PRSS55: variants seen among roughly 807,000 people sequenced by gnomAD.
PRSS55 encodes the protein probable serine protease UNQ9391/PRO34284.
In PRSS55, 41 loss-of-function variants were observed where a neutral mutation model predicts 23.6. The ratio of observed to expected loss-of-function variants is 1.74; its 90% CI spans 1.35 to 2.26. The LOEUF (loss-of-function observed/expected upper bound fraction) is 2.26. Among genes scored for constraint, PRSS55 ranks in the 30% most tolerant of loss-of-function variants. The pLI is 0.00. For synonymous variants in PRSS55, 262 were observed against 175.5 expected (o/e 1.49, Z -3.90); for missense variants, 669 against 439.1 (o/e 1.52, Z -4.68).
intron 4 of PRSS55, among the ~76,000 whole-genome samples, chr8:10,536,469 G>C (rs1426634721): frequency 2.6e-5 from 4 of 152,152 alleles, no homozygotes; most frequent in African/African-American, 9.7e-5. Flanking sequence ...ATTTCTCAGA[G>C]AACTTAAAAC....
At chr8:10,548,452 G>C (rs1812873512) in intron 4 of PRSS55, among the ~76,000 whole-genome samples, 1 of 152,142 alleles carries the variant, frequency 6.6e-6, no homozygotes, top group Non-Finnish European at 1.5e-5. Flanking sequence ...GGCCCTCACG[G>C]GTGGGGCCCT....
At chr8:10,535,272 C>G (rs1812415696) in intron 4 of PRSS55, among the ~76,000 whole-genome samples, 2 of 152,234 alleles carry the variant, frequency 1.3e-5, no homozygotes. Context: ...CAATCCTAAG[C>G]AAAAAGAACA....
At chr8:10,529,414 G>T in intron 1 of PRSS55, 93 bp from the exon 2 acceptor site, 1 of 1,283,152 alleles carries the variant, frequency 7.8e-7, no homozygotes, top group Non-Finnish European at 1.1e-6. Flanking sequence ...ATATCCACTT[G>T]GAAGCCTGCT....
At chr8:10,536,682 C>CCA (rs367600040) in intron 4 of PRSS55, among the ~76,000 whole-genome samples, 2,217 of 139,088 alleles carry the variant, frequency 0.016, 52 homozygotes, top group African/African-American at 0.054. Context: ...TACTACGAAG[C>CCA]CATAAAAAAA....
rs577972231 is a variant in PRSS55, at chr8:10,529,756, C to G, written c.347+57C>G. 3 of 1,536,436 alleles carry G rather than the reference C, an allele frequency of 2.0e-6. No homozygotes were observed. The East Asian group carries it at 6.8e-5, about 35-fold the overall frequency. On this transcript the variant is annotated intron_variant, in intron 2 of 4. Coordinates refer to ENST00000328655, the MANE Select transcript of PRSS55 (RefSeq NM_198464.4). ...TCAGGGCGCCCACCCCTGGGGCACC[C>G]TCCCCCTCACCCACACCTGGTGGCT... is the stretch of plus-strand genomic sequence containing the variant.
chr8:10,552,252 C>A (rs1278042570), intron 4 of PRSS55, among the ~76,000 whole-genome samples: 1 of 152,190 alleles, frequency 6.6e-6, no homozygotes, highest in African/African-American at 2.4e-5. Flanking sequence ...TAAAGAATCC[C>A]ATTCTTTGAG....
intron 4 of PRSS55, among the ~76,000 whole-genome samples, chr8:10,535,639 C>T (rs1812428142): frequency 6.6e-6 from 1 of 152,138 alleles, no homozygotes; most frequent in Non-Finnish European, 1.5e-5. Context: ...CACTACAAAC[C>T]ACCATTCTTG....
intron 3 of PRSS55, among the ~76,000 whole-genome samples, chr8:10,531,943 T>G (rs1236179863): frequency 6.6e-6 from 1 of 152,218 alleles, no homozygotes; most frequent in Non-Finnish European, 1.5e-5. Flanking sequence ...GAGCGTTGCC[T>G]GGCTCTTCTT....
intron 4 of PRSS55, among the ~76,000 whole-genome samples, chr8:10,536,550 A>T (rs1442801121): frequency 6.6e-6 from 1 of 152,220 alleles, no homozygotes; most frequent in Non-Finnish European, 1.5e-5. Context: ...TTCTACCAAG[A>T]AGACACATGC....
chr8:10,533,086 C>T (rs773657842), intron 4 of PRSS55, 38 bp downstream of exon 4: 8 of 1,608,304 alleles, frequency 5.0e-6, no homozygotes, highest in Non-Finnish European at 6.0e-6. Context: ...TATAGGTCCT[C>T]ACCCTCTGGG....
intron 3 of PRSS55, 141 bp from the exon 4 acceptor site, chr8:10,532,765 A>G: frequency 1.0e-6 from 1 of 992,510 alleles, no homozygotes; most frequent in Non-Finnish European, 1.5e-6. Flanking sequence ...GGGTAACCTG[A>G]AGGAAGTGAG....
At chr8:10,539,442 G>A (rs1812580611), downstream of PRSS55, among the ~76,000 whole-genome samples, 2 of 152,228 alleles carry the variant, frequency 1.3e-5, no homozygotes, top group South Asian at 2.1e-4. Flanking sequence ...ATGTGCTTAT[G>A]CTCACCCTAC....
chr8:10,538,967 A>G (rs1812557441), downstream of PRSS55: 1 of 546,198 alleles, frequency 1.8e-6, no homozygotes, highest in African/African-American at 1.9e-5. Context: ...TCTGTGGATT[A>G]GTCAGGACTT....
Position 10,538,619 on chromosome 8 carries a change from C to T in PRSS55, c.885C>T (p.Ile295=), listed in dbSNP as rs753193702. The change falls in exon 5 of 5, where the codon ATC becomes ATT. Residue 295 remains isoleucine, a synonymous_variant. Transcript: ENST00000328655. ...YTSLVNYNLW[I]EKVTQLEGRP... ...CGTTGGTGAACTACAACCTCTGGAT[C>T]GAGAAAGTGACCCAGCTAGAGGGCA... 4 of 1,614,092 alleles carry T rather than the reference C, an allele frequency of 2.5e-6. No homozygotes were observed. Among genetic ancestry groups the T allele is most frequent in the East Asian group, 2.2e-5 (1 of 44,878 alleles).
chr8:10,525,654 T>C lies in PRSS55; in HGVS notation c.69T>C (p.Pro23=), dbSNP rs751544320. The C allele has an allele frequency of 1.2e-6, 2 of 1,614,122 alleles. No individual in the cohort carries two copies. The highest frequency in any genetic ancestry group is 3.3e-5 in the Admixed American group (2 of 60,024). ...GAACTCAGCTCGGTCCACGGACTCC[T>C]CTCCCAGAGGCTGGAGTGGCTATCC... ...VTGTQLGPRT[P]LPEAGVAILG... Residue 23 remains proline, a synonymous_variant, in exon 1 of 5, where the codon CCT becomes CCC. Coordinates refer to ENST00000328655, the MANE Select transcript of PRSS55 (RefSeq NM_198464.4).
chr8:10,529,970 G>C (rs1295448845), intron 2 of PRSS55, among the ~76,000 whole-genome samples: 1 of 152,222 alleles, frequency 6.6e-6, no homozygotes, highest in African/African-American at 2.4e-5. Context: ...TGGCTTGATG[G>C]AGCCAAGCGG....
At chr8:10,531,585 G>A (rs1812268652) in intron 3 of PRSS55, 40 bp downstream of exon 3, 2 of 1,606,772 alleles carry the variant, frequency 1.2e-6, no homozygotes, top group Non-Finnish European at 1.7e-6. Flanking sequence ...AAAAGCCACT[G>A]CAATGTGAAG....
chr8:10,539,768 T>G (rs1812592652), downstream of PRSS55, among the ~76,000 whole-genome samples: 1 of 152,242 alleles, frequency 6.6e-6, no homozygotes, highest in South Asian at 2.1e-4. Flanking sequence ...TTGTGAGGCC[T>G]CTCCAGCTAC....
At chr8:10,530,228 G>A (rs1179814888) in intron 2 of PRSS55, among the ~76,000 whole-genome samples, 1 of 152,202 alleles carries the variant, frequency 6.6e-6, no homozygotes. Context: ...CCAGCACTTC[G>A]GGAGGCTGAG....
Sources: gnomAD v4.1 joint callset for allele counts (sites outside exome capture counted in the v4.1 genomes callset) on GRCh38, gnomAD v4.1.1 for gene constraint, MANE v1.5 for transcripts, NCBI Gene and HGNC (gene_info 2026-07-23, HGNC 2026-07-21) for gene names.